Variants in SORCS1 observed in about 807,000 individuals in gnomAD.
SORCS1 encodes sortilin related VPS10 domain containing receptor 1, also known as VPS10 domain-containing receptor SorCS1.
A neutral mutation model predicts 146.1 loss-of-function variants in SORCS1; 60 were observed. That is an observed-to-expected ratio of 0.41 (90% CI 0.33 to 0.51). SORCS1 has a LOEUF of 0.51. Among genes scored for constraint, SORCS1 ranks in the 20% least tolerant of loss-of-function variants. The probability of loss-of-function intolerance (pLI) is 0.21; values close to 1 mark genes in which losing one functional copy is unlikely to be tolerated. For missense variants in SORCS1, 1,352 were observed against 1,487.6 expected, an observed-to-expected ratio of 0.91 and a Z score of 1.50; for synonymous variants, 637 against 584.0, an observed-to-expected ratio of 1.09 and a Z score of -1.31.
chr10:106,828,145 G>T (rs1206513833), intron 3 of SORCS1, among the ~76,000 whole-genome samples: 1 of 152,192 alleles, frequency 6.6e-6, no homozygotes, highest in African/African-American at 2.4e-5. Flanking sequence ...ATCCCACTGT[G>T]CTTGGAGAGA....
intron 3 of SORCS1, among the ~76,000 whole-genome samples, chr10:106,824,783 A>C (rs1948218167): frequency 6.6e-6 from 1 of 152,174 alleles, no homozygotes; most frequent in Admixed American, 6.5e-5. Context: ...GTATGTACCA[A>C]GAGACCCGTA....
intron 23 of SORCS1, among the ~76,000 whole-genome samples, chr10:106,602,735 T>C (rs1846328377): frequency 6.6e-6 from 1 of 152,200 alleles, no homozygotes; most frequent in Non-Finnish European, 1.5e-5. Flanking sequence ...CCACTTTTGG[T>C]TATAGTTCTC....
At position 106,699,373 on chromosome 10, in the gene SORCS1, G is replaced by A. The variant is rs766545507; in HGVS notation, c.1254C>T (p.Thr418=). 7.4e-6 allele frequency: 12 copies of A among 1,612,376 alleles called. No individual in the cohort carries two copies. The highest frequency in any genetic ancestry group is 4.0e-5 in the African/African-American group (3 of 74,842). Residue 418 remains threonine, a synonymous_variant, in exon 9 of 26, where the codon ACC becomes ACT. Coordinates refer to ENST00000263054, the MANE Select transcript of SORCS1 (RefSeq NM_052918.5). ...ALPKDMHVIS[T]DENQVFAAVQ... is the part of the protein sequence containing the mutation. ...CCGCTGCGAACACCTGATTCTCATC[G>A]GTGCTGATAACATGCATGTCCTGTG...
chr10:106,934,240 G>T (rs1470730670), intron 2 of SORCS1, among the ~76,000 whole-genome samples: 7 of 151,774 alleles, frequency 4.6e-5, no homozygotes, highest in Admixed American at 4.6e-4. Context: ...ACAGTATGGA[G>T]ATTTTTTATT....
chr10:106,843,216 A>G (rs1949131096), intron 2 of SORCS1, among the ~76,000 whole-genome samples: 2 of 152,058 alleles, frequency 1.3e-5, no homozygotes, highest in South Asian at 4.1e-4. Context: ...TCCAATAGTG[A>G]AAAGTTTTTA....
At chr10:106,711,734 T>A (rs1402234997) in intron 6 of SORCS1, among the ~76,000 whole-genome samples, 1 of 152,228 alleles carries the variant, frequency 6.6e-6, no homozygotes, top group Non-Finnish European at 1.5e-5. Context: ...ATCTCCTTTT[T>A]CAGGCATTCC....
chr10:107,063,972 A>T (rs577070105), intron 1 of SORCS1, among the ~76,000 whole-genome samples: 1 of 152,326 alleles, frequency 6.6e-6, no homozygotes, highest in Non-Finnish European at 1.5e-5. Flanking sequence ...AATATTCAGT[A>T]GAATTCAACA....
intron 2 of SORCS1, among the ~76,000 whole-genome samples, chr10:106,928,607 C>T (rs919617767): frequency 6.6e-6 from 1 of 152,214 alleles, no homozygotes; most frequent in African/African-American, 2.4e-5. Context: ...GCAGAGGCAG[C>T]GCTGAGAGCG....
intron 23 of SORCS1, among the ~76,000 whole-genome samples, chr10:106,605,709 T>C (rs1269334896): frequency 6.6e-6 from 1 of 152,198 alleles, no homozygotes; most frequent in African/African-American, 2.4e-5. Context: ...AGGAGTTACC[T>C]GCTGCCCACC....
intron 18 of SORCS1, among the ~76,000 whole-genome samples, chr10:106,635,308 CA>C (rs1848666070): frequency 6.6e-6 from 1 of 152,164 alleles, no homozygotes. Context: ...TCCATGCAAG[CA>C]TGACAGTGGC....
intron 17 of SORCS1, among the ~76,000 whole-genome samples, chr10:106,654,141 C>T (rs981550921): frequency 1.3e-5 from 2 of 152,182 alleles, no homozygotes; most frequent in African/African-American, 4.8e-5. Flanking sequence ...CTTGTCTTCT[C>T]TAAGACAATT....
intron 1 of SORCS1, among the ~76,000 whole-genome samples, chr10:107,016,293 T>G (rs149478367): frequency 2.2e-4 from 33 of 152,258 alleles, no homozygotes; most frequent in African/African-American, 7.9e-4. Context: ...GATACGTCCA[T>G]ATGGGAAAAC....
chr10:106,737,708 A>G (rs3982437), intron 5 of SORCS1, among the ~76,000 whole-genome samples: 122 of 151,458 alleles, frequency 8.1e-4, no homozygotes, highest in African/African-American at 2.7e-3. Flanking sequence ...ACCCACCCCC[A>G]CCAAAAAAGG....
In SORCS1 at chr10:106,706,637, G is replaced by A. The variant is rs765207980; in HGVS notation, c.1144-3C>T. ...TGTGGCCGCCCTCCTGATGTCAGCT[G>A]GATCATAAAAACAAGACTGTAAGAA... On this transcript the variant is annotated splice_polypyrimidine_tract_variant and splice_region_variant and intron_variant, in intron 7 of 25. Transcript: ENST00000263054. 2.5e-6 allele frequency: 4 copies of A among 1,613,938 alleles called. No individual in the cohort carries two copies. The highest frequency in any genetic ancestry group is 3.4e-6 in the Non-Finnish European group (4 of 1,179,882).
chr10:106,822,781 G>GTTTTTTTTTTTTTTTTTTTTT (rs1564699805), intron 3 of SORCS1, among the ~76,000 whole-genome samples: 1 of 118,084 alleles, frequency 8.5e-6, no homozygotes. Flanking sequence ...ATTCATGTGT[G>GTTTTTTTTTTTTTTTTTTTTT]GTTTTTTTTT....
Position 106,788,298 on chromosome 10 carries a change from C to A in SORCS1, c.727-11606G>T, listed in dbSNP as rs541043812. On this transcript the variant is annotated intron_variant, in intron 3 of 25. Transcript: ENST00000263054. ...ATATCATTCTGCCCTGGGCCCCTCCCAAATCTCATGTCTTTTCATATTTAA... is the reference window on the plus strand; with the variant it reads ...ATATCATTCTGCCCTGGGCCCCTCCAAAATCTCATGTCTTTTCATATTTAA... Among the ~76,000 whole-genome samples, 393 of 152,202 alleles carry A rather than the reference C, an allele frequency of 2.6e-3. 2 individuals are homozygous for A. Among genetic ancestry groups the A allele is most frequent in the Non-Finnish European group, 4.1e-3 (278 of 68,010 alleles).
In SORCS1 at chr10:106,618,370, G is replaced by C. The variant is rs938559498; in HGVS notation, c.2797-98C>G. On this transcript the variant is annotated intron_variant, in intron 20 of 25. Transcript: ENST00000263054. ...CAACAATAGGCTGTCTAACCCAGCA[G>C]AGGCTCTTCCTGATGTACCACAATG... 7 of 1,473,316 alleles carry C rather than the reference G, an allele frequency of 4.8e-6. No homozygotes were observed. In the Admixed American group the frequency reaches 1.3e-4, roughly 28 times the overall value. The allele number at this position is 1,473,316 out of a possible 1,614,324, so 91.3% of individuals were successfully genotyped here.
At chr10:106,580,206 C>T (rs895536593) in intron 24 of SORCS1, among the ~76,000 whole-genome samples, 3 of 152,094 alleles carry the variant, frequency 2.0e-5, no homozygotes, top group Admixed American at 6.6e-5. Flanking sequence ...CGAGGGTAGC[C>T]GCGGAGATGC....
intron 4 of SORCS1, among the ~76,000 whole-genome samples, chr10:106,765,982 T>C (rs892528516): frequency 9.9e-5 from 15 of 152,184 alleles, no homozygotes; most frequent in South Asian, 2.1e-4. Context: ...GAGAATTCCA[T>C]AGAAGCTAAG....
Sources: gnomAD v4.1 joint callset for allele counts (sites outside exome capture counted in the v4.1 genomes callset) on GRCh38, gnomAD v4.1.1 for gene constraint, MANE v1.5 for transcripts, NCBI Gene and HGNC (gene_info 2026-07-23, HGNC 2026-07-21) for gene names.